RAD50: variants seen among roughly 807,000 people sequenced by gnomAD.
The protein encoded by RAD50 is RAD50 double strand break repair protein.
A neutral mutation model predicts 168.8 loss-of-function variants in RAD50; 132 were observed. The observed-to-expected ratio is 0.78, with a 90% confidence interval of 0.68 to 0.90. The LOEUF (loss-of-function observed/expected upper bound fraction) is 0.90, where lower values mean the gene tolerates loss of function less well. Ranked by LOEUF, RAD50 falls within the 40% of genes least tolerant of loss-of-function variation. The pLI is 0.00. For synonymous variants in RAD50, 525 were observed against 497.4 expected (o/e 1.06, Z -0.74); for missense variants, 1,347 against 1,534.4 (o/e 0.88, Z 2.04).
chr5:132,595,953 T>C (rs1561642588), intron 13 of RAD50, 143 bp downstream of exon 13: 1 of 773,448 alleles, frequency 1.3e-6, no homozygotes. Flanking sequence ...ATAAGAAGAT[T>C]CAATTATTTT....
At position 132,634,998 on chromosome 5, in the gene RAD50, T is replaced by C. The variant is rs541473616; in HGVS notation, c.3390-2117T>C. On this transcript the variant is annotated intron_variant, in intron 21 of 24. Transcript: ENST00000378823. ...AGCCTTGTACTTTTTTCCCCTTATG[T>C]TTCTCCTTGCTGTGTCATACCTTAT... is the stretch of plus-strand genomic sequence containing the variant. 1.3e-4 allele frequency among the ~76,000 whole-genome samples: 20 copies of C among 152,336 alleles called. 1 individual carries two copies. The South Asian group carries it at 4.2e-3, about 32-fold the overall frequency.
intron 5 of RAD50, among the ~76,000 whole-genome samples, chr5:132,582,008 A>C (rs987351837): frequency 1.8e-4 from 28 of 152,190 alleles, no homozygotes; most frequent in Admixed American, 9.8e-4. Flanking sequence ...AAGAAAGAGA[A>C]TTTCTATCTG....
At chr5:132,579,138 G>A (rs527359184) in intron 3 of RAD50, among the ~76,000 whole-genome samples, 179 bp from the exon 4 acceptor site, 6 of 152,106 alleles carry the variant, frequency 3.9e-5, no homozygotes, top group African/African-American at 1.4e-4. Flanking sequence ...CTTTTCATCT[G>A]TGAACCGTTA....
At chr5:132,608,073 G>T (rs1321818723) in intron 16 of RAD50, among the ~76,000 whole-genome samples, 1 of 152,204 alleles carries the variant, frequency 6.6e-6, no homozygotes, top group Non-Finnish European at 1.5e-5. Context: ...TAGTTTAACA[G>T]TATGCTTTTA....
intron 2 of RAD50, among the ~76,000 whole-genome samples, chr5:132,566,639 A>C (rs984861108): frequency 3.3e-5 from 5 of 152,188 alleles, no homozygotes; most frequent in Admixed American, 6.5e-5. Context: ...TGTTCACCCT[A>C]AAGACAAAAT....
chr5:132,642,054 A>C (rs540051893), intron 24 of RAD50, 124 bp from the exon 25 acceptor site: 2 of 1,037,890 alleles, frequency 1.9e-6, no homozygotes, highest in Non-Finnish European at 1.5e-6. Context: ...CACTTCCTGC[A>C]GGGTAGCTGG....
chr5:132,585,823 G>T (rs1750587286), intron 5 of RAD50, among the ~76,000 whole-genome samples: 1 of 151,864 alleles, frequency 6.6e-6, no homozygotes, highest in South Asian at 2.1e-4. Context: ...CAAACTTCTG[G>T]GCTCAAGCAA....
In RAD50 at chr5:132,557,203, C is replaced by T; in HGVS notation, c.-122C>T. The stretch of plus-strand genomic sequence containing the variant: ...TTTTGGCAGTCCTGTGGCCTCGCTC[C>T]CCGCCCGGATCCTCCTGACCCTGAG... On this transcript the variant is annotated 5_prime_UTR_variant, in exon 1 of 25. Transcript: ENST00000378823. 1 of 1,400,770 alleles carries T rather than the reference C, an allele frequency of 7.1e-7. No homozygotes were observed. The highest frequency in any genetic ancestry group is 1.0e-6 in the Non-Finnish European group (1 of 992,770). The allele number at this position is 1,400,770 out of a possible 1,614,324, so 86.8% of individuals were successfully genotyped here.
chr5:132,632,477 TTC>T (rs1219892167), intron 21 of RAD50, among the ~76,000 whole-genome samples: 2 of 152,170 alleles, frequency 1.3e-5, no homozygotes, highest in African/African-American at 2.4e-5. Flanking sequence ...GTAGATATTT[TTC>T]TGAGTTTTTT....
chr5:132,626,642 C>T (rs542363413), intron 21 of RAD50, among the ~76,000 whole-genome samples: 1 of 152,212 alleles, frequency 6.6e-6, no homozygotes, highest in Admixed American at 6.5e-5. Context: ...GGTTTCTGTT[C>T]CCATTTAAAC....
At chr5:132,636,969 C>G (rs2149862613) in intron 21 of RAD50, 146 bp from the exon 22 acceptor site, 1 of 688,872 alleles carries the variant, frequency 1.5e-6, no homozygotes, top group South Asian at 6.5e-5. Context: ...GTAGCTCTTA[C>G]TATATTCTAC....
At chr5:132,616,183 G>A (rs1287567142) in intron 20 of RAD50, 53 bp downstream of exon 20, 2 of 1,557,888 alleles carry the variant, frequency 1.3e-6, no homozygotes, top group Non-Finnish European at 8.8e-7. Context: ...TTACTGGAAT[G>A]TGAAGAATAT....
chr5:132,558,710 TC>T (rs1440503638), intron 1 of RAD50, among the ~76,000 whole-genome samples: 1 of 74,652 alleles, frequency 1.3e-5, no homozygotes, highest in Non-Finnish European at 2.6e-5. Flanking sequence ...GGAGACTCTC[TC>T]CCCCCACAAA....
chr5:132,581,679 A>G (rs777357663), intron 5 of RAD50, among the ~76,000 whole-genome samples: 10 of 152,160 alleles, frequency 6.6e-5, no homozygotes, highest in Non-Finnish European at 1.2e-4. Context: ...AGTCTGGGTT[A>G]AGTAAATCAA....
intron 2 of RAD50, among the ~76,000 whole-genome samples, chr5:132,561,620 C>G (rs887508482): frequency 6.6e-6 from 1 of 152,164 alleles, no homozygotes; most frequent in African/African-American, 2.4e-5. Flanking sequence ...CTGGTAACTA[C>G]CACATTTATA....
chr5:132,595,184 C>A, intron 12 of RAD50, 140 bp downstream of exon 12: 1 of 922,754 alleles, frequency 1.1e-6, no homozygotes, highest in Non-Finnish European at 1.6e-6. Context: ...CTACAACTTA[C>A]TCACTGTGTG....
At chr5:132,603,187 A>G in intron 13 of RAD50, 113 bp from the exon 14 acceptor site, 7 of 934,918 alleles carry the variant, frequency 7.5e-6, no homozygotes, top group Non-Finnish European at 1.1e-5. Flanking sequence ...CTGATATGAT[A>G]CCCTGAAAAG....
At chr5:132,592,726 A>T (rs1040976523) in intron 11 of RAD50, 5 of 433,312 alleles carry the variant, frequency 1.2e-5, no homozygotes, top group African/African-American at 4.0e-5. Context: ...CACTTCCACC[A>T]CTTGTTAGCC....
Position 132,603,953 on chromosome 5 carries a change from C to A in RAD50, c.2431C>A (p.Gln811Lys). 1.2e-6 allele frequency: 2 copies of A among 1,610,848 alleles called. No individual in the cohort carries two copies. Among genetic ancestry groups the A allele is most frequent in the East Asian group, 2.2e-5 (1 of 44,818 alleles). ...ELKDVERKIA[Q>K]QAAKLQGIDL... Reference sequence around the variant, plus strand: ...TAAAGATGTTGAAAGAAAAATTGCACAACAAGCAGCTAAGCTACAAGGAAT... The same window carrying A: ...TAAAGATGTTGAAAGAAAAATTGCAAAACAAGCAGCTAAGCTACAAGGAAT... Residue 811 changes from glutamine to lysine, a missense_variant, in exon 15 of 25, where the codon CAA (glutamine) becomes AAA (lysine). Gln to Lys is a moderately conservative substitution (Grantham distance 53). Coordinates refer to ENST00000378823, the MANE Select transcript of RAD50 (RefSeq NM_005732.4).
Sources: gnomAD v4.1 joint callset for allele counts (sites outside exome capture counted in the v4.1 genomes callset) on GRCh38, gnomAD v4.1.1 for gene constraint, MANE v1.5 for transcripts, NCBI Gene and HGNC (gene_info 2026-07-23, HGNC 2026-07-21) for gene names.